IL1RAP: variants seen among roughly 807,000 people sequenced by gnomAD.
IL1RAP encodes interleukin-1 receptor accessory protein.
Under a neutral mutation model 60.7 loss-of-function variants are expected in IL1RAP, and 35 were observed. The ratio of observed to expected loss-of-function variants is 0.58; its 90% CI spans 0.44 to 0.76. The LOEUF is 0.76. Among genes scored for constraint, IL1RAP ranks in the 30% least tolerant of loss-of-function variants. The pLI, the probability that IL1RAP is intolerant of heterozygous loss-of-function variation, is 0.00. For synonymous variants in IL1RAP, 268 were observed against 250.9 expected, an observed-to-expected ratio of 1.07 and a Z score of -0.64; for missense variants, 572 against 693.9, an observed-to-expected ratio of 0.82 and a Z score of 1.97.
chr3:190,609,410 A>G (rs1730633313), intron 5 of IL1RAP, among the ~76,000 whole-genome samples: 1 of 152,344 alleles, frequency 6.6e-6, no homozygotes, highest in African/African-American at 2.4e-5. Flanking sequence ...TCTAACTAGA[A>G]TACCAAAACT....
At chr3:190,622,268 T>C (rs1446500756) in intron 6 of IL1RAP, among the ~76,000 whole-genome samples, 1 of 152,034 alleles carries the variant, frequency 6.6e-6, no homozygotes, top group African/African-American at 2.4e-5. Flanking sequence ...TGTTTTATTT[T>C]TTTCTTTGTA....
intron 1 of IL1RAP, among the ~76,000 whole-genome samples, chr3:190,546,898 A>G (rs1372754577): frequency 6.6e-6 from 1 of 152,222 alleles, no homozygotes; most frequent in African/African-American, 2.4e-5. Flanking sequence ...ATAGCTTTGC[A>G]TTGAGAAAAT....
chr3:190,566,188 A>G (rs1726380043), intron 3 of IL1RAP, among the ~76,000 whole-genome samples: 1 of 152,158 alleles, frequency 6.6e-6, no homozygotes, highest in Non-Finnish European at 1.5e-5. Context: ...TAATACTGAC[A>G]CATAGACACA....
intron 1 of IL1RAP, among the ~76,000 whole-genome samples, chr3:190,525,757 T>G (rs1722459243): frequency 6.6e-6 from 1 of 152,224 alleles, no homozygotes; most frequent in Non-Finnish European, 1.5e-5. Context: ...ATTCTAGATG[T>G]GGCTTTGCTT....
exon 12 of IL1RAP, chr3:190,658,200 G>A (rs1734678353): frequency 6.6e-6 from 1 of 152,080 alleles, no homozygotes; most frequent in Non-Finnish European, 1.5e-5. Context: ...TTATGGGATG[G>A]CTTAAAGTTA....
intron 3 of IL1RAP, among the ~76,000 whole-genome samples, chr3:190,594,088 T>C (rs181396285): frequency 2.0e-5 from 3 of 152,174 alleles, no homozygotes; most frequent in Non-Finnish European, 4.4e-5. Context: ...TAAGTAGACA[T>C]GTAAAATAAC....
At chr3:190,596,952 A>C (rs1266025516) in intron 3 of IL1RAP, among the ~76,000 whole-genome samples, 4 of 152,156 alleles carry the variant, frequency 2.6e-5, no homozygotes, top group Admixed American at 1.3e-4. Flanking sequence ...CTGTCTAGAG[A>C]ACTTAAAAAC....
downstream of IL1RAP, among the ~76,000 whole-genome samples, chr3:190,652,724 A>G (rs1395117802): frequency 6.6e-6 from 1 of 152,198 alleles, no homozygotes; most frequent in Admixed American, 6.5e-5. Context: ...GTATATAAGC[A>G]TTTATTTGAT....
At chr3:190,527,027 G>A (rs1486324979) in intron 1 of IL1RAP, among the ~76,000 whole-genome samples, 1 of 152,182 alleles carries the variant, frequency 6.6e-6, no homozygotes, top group Non-Finnish European at 1.5e-5. Context: ...ATCTGACATA[G>A]CTAAAGGCAG....
chr3:190,647,033 A>G (rs1577825630), intron 11 of IL1RAP, among the ~76,000 whole-genome samples: 1 of 152,218 alleles, frequency 6.6e-6, no homozygotes, highest in African/African-American at 2.4e-5. Context: ...AGACCCTCCA[A>G]TAGGGGTTGA....
intron 1 of IL1RAP, among the ~76,000 whole-genome samples, chr3:190,536,496 T>A (rs1449182321): frequency 6.6e-6 from 1 of 152,194 alleles, no homozygotes; most frequent in African/African-American, 2.4e-5. Flanking sequence ...TTTGTATTTT[T>A]ACTGTGATCT....
At chr3:190,656,394 T>G (rs1734621431), downstream of IL1RAP, 2 of 1,537,046 alleles carry the variant, frequency 1.3e-6, no homozygotes, top group Admixed American at 2.0e-5. Flanking sequence ...TCACCTACTG[T>G]GAAGGAGAGA....
At chr3:190,651,524 G>A (rs1024840831), downstream of IL1RAP, 6 of 380,234 alleles carry the variant, frequency 1.6e-5, no homozygotes, top group Admixed American at 1.9e-4. Context: ...ATTTTATTTT[G>A]TGCATGTGTT....
At chr3:190,519,543 A>G (rs1350510696) in intron 1 of IL1RAP, among the ~76,000 whole-genome samples, 5 of 152,044 alleles carry the variant, frequency 3.3e-5, no homozygotes, top group East Asian at 3.9e-4. Context: ...CATATTTACT[A>G]GATACCACAC....
chr3:190,566,334 G>A (rs1726396804), intron 3 of IL1RAP, among the ~76,000 whole-genome samples: 1 of 152,070 alleles, frequency 6.6e-6, no homozygotes, highest in African/African-American at 2.4e-5. Flanking sequence ...GTGGTTTTAT[G>A]TCCTCCCTCA....
intron 1 of IL1RAP, among the ~76,000 whole-genome samples, chr3:190,531,794 A>G (rs1723006255): frequency 6.6e-6 from 1 of 152,212 alleles, no homozygotes; most frequent in Non-Finnish European, 1.5e-5. Flanking sequence ...GGCACATGAA[A>G]TCGGGTGACT....
chr3:190,591,632 A>G (rs1273845233), intron 3 of IL1RAP, among the ~76,000 whole-genome samples: 1 of 152,226 alleles, frequency 6.6e-6, no homozygotes, highest in Admixed American at 6.5e-5. Flanking sequence ...GGAAATTTCA[A>G]CACAGAGACT....
intron 9 of IL1RAP, among the ~76,000 whole-genome samples, chr3:190,634,010 T>C (rs2108830480): frequency 6.6e-6 from 1 of 152,328 alleles, no homozygotes; most frequent in South Asian, 2.1e-4. Flanking sequence ...ATGACCTTTA[T>C]TTTCATGAGC....
At chr3:190,628,660 A>C (rs142357151) in intron 8 of IL1RAP, among the ~76,000 whole-genome samples, 106 of 152,332 alleles carry the variant, frequency 7.0e-4, no homozygotes, top group African/African-American at 2.3e-3. Flanking sequence ...CGTGTTCATA[A>C]CAGCTTTCTC....
Sources: allele counts gnomAD v4.1 joint callset (sites outside exome capture counted in the v4.1 genomes callset), GRCh38; gene constraint gnomAD v4.1.1; transcripts MANE v1.5; gene names NCBI Gene and HGNC (gene_info 2026-07-23, HGNC 2026-07-21).